Variants in AFAP1L1 observed in about 807,000 individuals in gnomAD.
AFAP1L1 encodes the protein actin filament associated protein 1 like 1, also known as actin filament-associated protein 1-like 1.
In AFAP1L1, 77 loss-of-function variants were observed where a neutral mutation model predicts 99.8. The ratio of observed to expected loss-of-function variants is 0.77; its 90% CI spans 0.64 to 0.93. The LOEUF is 0.93. AFAP1L1 is among the 40% of genes least tolerant of loss of function. The pLI, the probability that AFAP1L1 is intolerant of heterozygous loss-of-function variation, is 0.00. For missense variants in AFAP1L1, 893 were observed against 996.8 expected, an observed-to-expected ratio of 0.90 and a Z score of 1.40; for synonymous variants, 373 against 395.3, an observed-to-expected ratio of 0.94 and a Z score of 0.67.
At position 149,289,758 on chromosome 5, in the gene AFAP1L1, C is replaced by T. The variant is rs187800627; in HGVS notation, c.17-9751C>T. On this transcript the variant is annotated intron_variant, in intron 1 of 18. Coordinates refer to ENST00000296721, the MANE Select transcript of AFAP1L1 (RefSeq NM_152406.4). Reference sequence around the variant, plus strand: ...TCAACCCAGGAAGTGAAGGGCAGTTCTGCCAGCCTCACCTGAGGAGCTGGT... The same window carrying T: ...TCAACCCAGGAAGTGAAGGGCAGTTTTGCCAGCCTCACCTGAGGAGCTGGT... 2.1e-3 allele frequency among the ~76,000 whole-genome samples: 316 copies of T among 152,330 alleles called. 1 individual carries two copies. Among genetic ancestry groups the T allele is most frequent in the Middle Eastern group, 6.8e-3 (2 of 294 alleles).
intron 1 of AFAP1L1, among the ~76,000 whole-genome samples, chr5:149,284,775 T>G (rs1238328304): frequency 6.6e-6 from 1 of 152,088 alleles, no homozygotes; most frequent in Non-Finnish European, 1.5e-5. Flanking sequence ...TTGGGGAAAT[T>G]ATTAAAGCCA....
At chr5:149,316,480 C>A (rs1756802454) in intron 11 of AFAP1L1, among the ~76,000 whole-genome samples, 177 bp downstream of exon 11, 1 of 152,188 alleles carries the variant, frequency 6.6e-6, no homozygotes, top group Non-Finnish European at 1.5e-5. Flanking sequence ...CCATCACTTT[C>A]CTTCCCAGAG....
intron 15 of AFAP1L1, among the ~76,000 whole-genome samples, chr5:149,323,515 A>G (rs931475570): frequency 1.1e-4 from 17 of 152,146 alleles, no homozygotes; most frequent in African/African-American, 4.1e-4. Context: ...GTTCCTTTAC[A>G]TTTCTTCCCC....
chr5:149,302,838 T>C (rs536902813), intron 5 of AFAP1L1, among the ~76,000 whole-genome samples: 43 of 152,308 alleles, frequency 2.8e-4, no homozygotes, highest in African/African-American at 9.9e-4. Flanking sequence ...AGACGCACCA[T>C]GTCAGTGTGC....
At chr5:149,293,088 G>A (rs143367012) in intron 1 of AFAP1L1, among the ~76,000 whole-genome samples, 18 of 152,288 alleles carry the variant, frequency 1.2e-4, no homozygotes, top group African/African-American at 3.4e-4. Flanking sequence ...ATGCCCTCTT[G>A]TCCCTGTACC....
At chr5:149,339,578 T>C (rs1757503382) in intron 18 of AFAP1L1, among the ~76,000 whole-genome samples, 1 of 152,214 alleles carries the variant, frequency 6.6e-6, no homozygotes, top group Admixed American at 6.5e-5. Context: ...TGATTTTTTT[T>C]TCCAAACATT....
At chr5:149,290,058 A>G (rs561298240) in intron 1 of AFAP1L1, among the ~76,000 whole-genome samples, 139 of 152,160 alleles carry the variant, frequency 9.1e-4, no homozygotes, top group African/African-American at 3.2e-3. Flanking sequence ...ATGGTGAAAC[A>G]CCTTCTCTAC....
intron 3 of AFAP1L1, among the ~76,000 whole-genome samples, chr5:149,300,894 A>G (rs1437215289): frequency 6.6e-6 from 1 of 152,234 alleles, no homozygotes; most frequent in Non-Finnish European, 1.5e-5. Context: ...CAAAGTACCA[A>G]AACAAGTATG....
intron 16 of AFAP1L1, among the ~76,000 whole-genome samples, chr5:149,331,978 G>T (rs1757270683): frequency 6.6e-6 from 1 of 152,116 alleles, no homozygotes; most frequent in South Asian, 2.1e-4. Context: ...ACTCTGATTG[G>T]TCCGACTTTC....
At position 149,342,154 on chromosome 5, in the gene AFAP1L1, T is replaced by C. The variant is rs896953456; in HGVS notation, c.*2124T>C. The stretch of plus-strand genomic sequence containing the variant: ...CTTGGTTTAATGCTCTACTATTGCC[T>C]TCTTAATCATATTTGAACAAGGAGT... On this transcript the variant is annotated 3_prime_UTR_variant, in exon 19 of 19. Transcript: ENST00000296721. Among the ~76,000 whole-genome samples the C allele has an allele frequency of 2.6e-5, 4 of 152,242 alleles. No individual in the cohort carries two copies. The highest frequency in any genetic ancestry group is 5.9e-5 in the Non-Finnish European group (4 of 68,034).
chr5:149,335,303 C>A lies in AFAP1L1; in HGVS notation c.2155-291C>A, dbSNP rs550522334. The stretch of plus-strand genomic sequence containing the variant: ...AGGAGTTTGAGACCAGCCTGGGCAA[C>A]TTAGTGAAACCCCATCTCTACTAAA... On this transcript the variant is annotated intron_variant, in intron 17 of 18. Transcript: ENST00000296721. 1.0e-3 allele frequency among the ~76,000 whole-genome samples: 153 copies of A among 152,194 alleles called. 1 individual carries two copies. The highest frequency in any genetic ancestry group is 3.3e-3 in the African/African-American group (137 of 41,540).
intron 9 of AFAP1L1, chr5:149,315,545 A>G: frequency 2.5e-6 from 1 of 403,070 alleles, no homozygotes; most frequent in South Asian, 2.4e-5. Context: ...CCTGCCAAAT[A>G]CAGTCCAAAT....
intron 18 of AFAP1L1, 110 bp from the exon 19 acceptor site, chr5:149,339,897 G>A (rs757838032): frequency 1.5e-5 from 18 of 1,194,858 alleles, no homozygotes; most frequent in Middle Eastern, 2.0e-4. Context: ...AGAACCCAAC[G>A]CAACCTGGCT....
rs1333527163 is a variant in AFAP1L1 at position 149,320,940 on chromosome 5, C to T, written c.1698+477C>T. The stretch of plus-strand genomic sequence containing the variant: ...AGGGAGATACCAGCTTACTGATTTA[C>T]AGTGAGGCCTGTGTAGCCATCACAT... On this transcript the variant is annotated intron_variant, in intron 14 of 18. Coordinates refer to ENST00000296721, the MANE Select transcript of AFAP1L1 (RefSeq NM_152406.4). This position sits in a 1 kb window ranked among gnomAD's most constrained non-coding sequence, Gnocchi z 4.0. Among the ~76,000 whole-genome samples the T allele has an allele frequency of 6.6e-6, 1 of 152,228 alleles. No individual in the cohort carries two copies. The highest frequency in any genetic ancestry group is 1.5e-5 in the Non-Finnish European group (1 of 68,036).
At chr5:149,317,641 T>G (rs1756832857) in intron 11 of AFAP1L1, 88 bp from the exon 12 acceptor site, 2 of 1,442,190 alleles carry the variant, frequency 1.4e-6, no homozygotes, top group Admixed American at 4.0e-5. Context: ...CCCCGAGGCC[T>G]TCTTTCCAGC....
chr5:149,325,163 A>T (rs1256220960), intron 15 of AFAP1L1, among the ~76,000 whole-genome samples: 1 of 152,224 alleles, frequency 6.6e-6, no homozygotes, highest in East Asian at 1.9e-4. Flanking sequence ...AAATTTTCCT[A>T]AGGGCAAATG....
At chr5:149,332,659 G>A in intron 16 of AFAP1L1, 36 bp from the exon 17 acceptor site, 2 of 1,594,332 alleles carry the variant, frequency 1.3e-6, no homozygotes, top group East Asian at 2.2e-5. Context: ...TTTCAGGTCA[G>A]GTTCAGCTTT....
At chr5:149,311,739 A>G (rs1756636146) in intron 8 of AFAP1L1, among the ~76,000 whole-genome samples, 1 of 151,968 alleles carries the variant, frequency 6.6e-6, no homozygotes, top group African/African-American at 2.4e-5. Context: ...GGTTCCCATC[A>G]CTCTTCGCAT....
chr5:149,330,148 C>T (rs1287532554), intron 16 of AFAP1L1, among the ~76,000 whole-genome samples: 2 of 152,170 alleles, frequency 1.3e-5, no homozygotes, highest in East Asian at 3.9e-4. Context: ...GCCTTAGAAT[C>T]AAGGAAATAA....
Sources: allele counts gnomAD v4.1 joint callset (sites outside exome capture counted in the v4.1 genomes callset), GRCh38; gene constraint gnomAD v4.1.1; non-coding constraint Gnocchi (gnomAD v3.1); transcripts MANE v1.5; gene names NCBI Gene and HGNC (gene_info 2026-07-23, HGNC 2026-07-21).